CALN1: variants seen among roughly 807,000 people sequenced by gnomAD.
CALN1 encodes the protein calcium-binding protein 8.
CALN1 carries 17 observed loss-of-function variants against 30.6 expected under a neutral mutation model. The ratio of observed to expected loss-of-function variants is 0.56; its 90% confidence interval spans 0.38 to 0.83. CALN1 has a LOEUF of 0.83. Ranked by LOEUF, CALN1 falls within the 40% of genes least tolerant of loss-of-function variation. CALN1 has a pLI of 0.00. For missense variants in CALN1, 291 were observed against 354.9 expected (o/e 0.82, Z 1.45); for synonymous variants, 156 against 131.4 (o/e 1.19, Z -1.28).
chr7:72,303,374 C>G (rs1799426972), intron 2 of CALN1, among the ~76,000 whole-genome samples: 1 of 151,936 alleles, frequency 6.6e-6, no homozygotes, highest in South Asian at 2.1e-4. Context: ...ACCAGCCTGA[C>G]CAACATGGAG....
At chr7:72,043,696 A>C (rs1802276519) in intron 4 of CALN1, among the ~76,000 whole-genome samples, 1 of 152,194 alleles carries the variant, frequency 6.6e-6, no homozygotes, top group African/African-American at 2.4e-5. Flanking sequence ...GCTTGAGCCC[A>C]GGAGTTTCAG....
intron 3 of CALN1, among the ~76,000 whole-genome samples, chr7:72,141,057 G>A (rs1363677826): frequency 6.6e-6 from 1 of 152,224 alleles, no homozygotes; most frequent in Non-Finnish European, 1.5e-5. Flanking sequence ...AACTGGTGCT[G>A]TGCTGTCCCT....
At chr7:72,323,711 G>T (rs1055316209) in intron 2 of CALN1, among the ~76,000 whole-genome samples, 1 of 151,268 alleles carries the variant, frequency 6.6e-6, no homozygotes, top group African/African-American at 2.4e-5. Context: ...AAGAAAAAAA[G>T]GGAAAAAAGA....
At chr7:71,882,894 T>TGTGTGTGTGTGTG (rs1792669257) in intron 5 of CALN1, among the ~76,000 whole-genome samples, 1 of 99,082 alleles carries the variant, frequency 1.0e-5, no homozygotes, top group African/African-American at 3.9e-5. Context: ...GTGTGTGTGT[T>TGTGTGTGTGTGTG]TGTAAAGACA....
At chr7:72,025,239 G>C (rs1800981042) in intron 4 of CALN1, among the ~76,000 whole-genome samples, 1 of 152,158 alleles carries the variant, frequency 6.6e-6, no homozygotes, top group South Asian at 2.1e-4. Context: ...GAATCTGGGA[G>C]GCGGAGGTTG....
At chr7:72,332,173 G>A (rs975699423) in intron 2 of CALN1, among the ~76,000 whole-genome samples, 2 of 152,216 alleles carry the variant, frequency 1.3e-5, no homozygotes, top group African/African-American at 4.8e-5. Context: ...TGAAGCAGCA[G>A]TGTACAGCAG....
intron 2 of CALN1, among the ~76,000 whole-genome samples, chr7:72,328,766 G>A (rs1388099233): frequency 6.6e-6 from 1 of 152,202 alleles, no homozygotes; most frequent in African/African-American, 2.4e-5. Context: ...CACAATCTCA[G>A]CTCACTGCAA....
chr7:72,120,896 A>G (rs76456736), intron 3 of CALN1, among the ~76,000 whole-genome samples: 3,191 of 152,092 alleles, frequency 0.021, 118 homozygotes, highest in African/African-American at 0.073. Flanking sequence ...CAAGAAAGAC[A>G]CACGAGCATC....
chr7:72,480,814 C>CA, the CALN1 span, among the ~76,000 whole-genome samples: 321 of 145,662 alleles, frequency 2.2e-3, 3 homozygotes, highest in African/African-American at 5.7e-3. Flanking sequence ...ATTCATTGGC[C>CA]AAAAAAAAAA....
chr7:72,304,852 T>A (rs1423689095), intron 2 of CALN1, among the ~76,000 whole-genome samples: 1 of 152,210 alleles, frequency 6.6e-6, no homozygotes, highest in African/African-American at 2.4e-5. Flanking sequence ...TTGTTGTATA[T>A]TTAGTTGTTT....
chr7:71,964,775 T>G (rs1797448903), intron 5 of CALN1, among the ~76,000 whole-genome samples: 1 of 152,178 alleles, frequency 6.6e-6, no homozygotes, highest in Non-Finnish European at 1.5e-5. Context: ...CCTGTTTCCC[T>G]CTGTATAAAT....
At chr7:72,424,250 C>A (rs557145179) in intron 1 of CALN1, among the ~76,000 whole-genome samples, 20 of 152,174 alleles carry the variant, frequency 1.3e-4, no homozygotes, top group African/African-American at 4.8e-4. Context: ...GATTCTTCCC[C>A]CAGGCAGCCC....
Position 72,131,753 on chromosome 7 carries a change from T to G in CALN1, c.245-25459A>C, listed in dbSNP as rs540290014. Among the ~76,000 whole-genome samples the G allele has an allele frequency of 1.3e-3, 197 of 152,310 alleles. 1 individual carries two copies. The highest frequency in any genetic ancestry group is 4.0e-3 in the African/African-American group (165 of 41,570). Reference sequence around the variant, plus strand: ...ATCCAAGACTTTGACTCTTCAGCATTTCTCTGGATTGTCAGCCTTCGTTGT... The same window carrying G: ...ATCCAAGACTTTGACTCTTCAGCATGTCTCTGGATTGTCAGCCTTCGTTGT... On this transcript the variant is annotated intron_variant, in intron 3 of 6. Transcript: ENST00000395275.
chr7:72,156,023 C>T (rs1326075603), intron 3 of CALN1, among the ~76,000 whole-genome samples: 2 of 152,202 alleles, frequency 1.3e-5, no homozygotes, highest in African/African-American at 4.8e-5. Context: ...TTAATCACAT[C>T]TGCAAAGTCC....
chr7:72,271,575 A>AAAAAAAAAAAAAAAAAAATATATATAT, intron 3 of CALN1, among the ~76,000 whole-genome samples: 4 of 52,118 alleles, frequency 7.7e-5, no homozygotes, highest in African/African-American at 4.0e-4. Context: ...AAAAAAAAAA[A>AAAAAAAAAAAAAAAAAAATATATATAT]ATATATATAT....
intron 5 of CALN1, among the ~76,000 whole-genome samples, chr7:71,949,753 C>G (rs1450090829): frequency 6.6e-6 from 1 of 151,640 alleles, no homozygotes; most frequent in Non-Finnish European, 1.5e-5. Context: ...TGCTCCCAAC[C>G]TGTGGAGTGT....
At chr7:72,482,989 G>C in the CALN1 span, among the ~76,000 whole-genome samples, 1 of 152,056 alleles carries the variant, frequency 6.6e-6, no homozygotes, top group African/African-American at 2.4e-5. Context: ...TTGACTTCTA[G>C]TGCAAAGGGT....
intron 2 of CALN1, among the ~76,000 whole-genome samples, chr7:72,304,727 TA>T (rs1799531548): frequency 6.6e-6 from 1 of 152,188 alleles, no homozygotes; most frequent in South Asian, 2.1e-4. Flanking sequence ...TATATAAATA[TA>T]ATTACCTGGC....
chr7:72,192,764 T>C (rs887371039), intron 3 of CALN1, among the ~76,000 whole-genome samples: 1 of 150,736 alleles, frequency 6.6e-6, no homozygotes, highest in Admixed American at 6.6e-5. Context: ...TAACTCGTCA[T>C]CTAGCATTAG....
Sources: gnomAD v4.1 joint callset for allele counts (sites outside exome capture counted in the v4.1 genomes callset) on GRCh38, gnomAD v4.1.1 for gene constraint, MANE v1.5 for transcripts, NCBI Gene and HGNC (gene_info 2026-07-23, HGNC 2026-07-21) for gene names.